Variants in HAUS6 observed in about 807,000 individuals in gnomAD.
HAUS6 encodes the protein HAUS augmin-like complex subunit 6.
Under a neutral mutation model 106.8 loss-of-function variants are expected in HAUS6, and 80 were observed. That is an observed-to-expected ratio of 0.75 (90% CI 0.63 to 0.90). HAUS6 has a LOEUF of 0.90. HAUS6 is among the 40% of genes least tolerant of loss of function. The pLI is 0.00. For missense variants in HAUS6, 1,155 were observed against 1,118.1 expected, an observed-to-expected ratio of 1.03 and a Z score of -0.47; for synonymous variants, 356 against 379.1, an observed-to-expected ratio of 0.94 and a Z score of 0.71.
intron 16 of HAUS6, 178 bp from the exon 17 acceptor site, chr9:19,056,582 A>C: frequency 1.9e-6 from 1 of 531,204 alleles, no homozygotes; most frequent in South Asian, 2.7e-5. Context: ...AGATCAATAC[A>C]TTCCTCCCAG....
At chr9:19,093,865 T>C (rs970386528) in intron 3 of HAUS6, among the ~76,000 whole-genome samples, 2 of 152,018 alleles carry the variant, frequency 1.3e-5, no homozygotes, top group Admixed American at 6.6e-5. Context: ...GAAGACTCTG[T>C]CTCAAAAAAA....
intron 1 of HAUS6, among the ~76,000 whole-genome samples, chr9:19,099,302 G>C (rs1382855957): frequency 6.6e-6 from 1 of 151,662 alleles, no homozygotes; most frequent in African/African-American, 2.4e-5. Flanking sequence ...GAATAGCTGC[G>C]ACTACAGGCG....
At position 19,070,320 on chromosome 9, in the gene HAUS6, G is replaced by C. The variant is rs960790723; in HGVS notation, c.1295-20C>G. 1 of 1,297,290 alleles carries C rather than the reference G, an allele frequency of 7.7e-7. No homozygotes were observed. 80.4% of individuals were successfully genotyped at this position (1,297,290 alleles called of 1,614,324 possible). The stretch of plus-strand genomic sequence containing the variant: ...GTGCATCTAAAGAAATTTAAAAATT[G>C]GTTACTCTTTAATTATGTTTGTACA... On this transcript the variant is annotated intron_variant, in intron 11 of 16. Coordinates refer to ENST00000380502, the MANE Select transcript of HAUS6 (RefSeq NM_017645.5).
rs996106216 is a variant in HAUS6 at position 19,063,047 on chromosome 9, A to T, written c.1590T>A (p.Ser530Arg). The T allele has an allele frequency of 6.2e-7, 1 of 1,611,478 alleles. No homozygotes were observed. Among genetic ancestry groups the T allele is most frequent in the Admixed American group, 1.7e-5 (1 of 59,900 alleles). Residue 530 changes from serine to arginine, a missense_variant, in exon 14 of 17, where the codon AGT becomes AGA. By Grantham distance (110) the Ser-to-Arg change is moderately radical. Coordinates refer to ENST00000380502, the MANE Select transcript of HAUS6 (RefSeq NM_017645.5). ...AFGGSLPAKKSDPFQKEQDHL... is the reference protein window; with the variant it reads ...AFGGSLPAKKRDPFQKEQDHL... ...GATCTTGCTCTTTTTGAAATGGATCACTTTTTTTAGCTGGCAAAGACCCTC... is the reference window on the plus strand; with the variant it reads ...GATCTTGCTCTTTTTGAAATGGATCTCTTTTTTTAGCTGGCAAAGACCCTC...
intron 15 of HAUS6, 46 bp from the exon 16 acceptor site, chr9:19,059,047 T>C (rs1345738337): frequency 3.0e-6 from 3 of 1,014,240 alleles, no homozygotes; most frequent in East Asian, 2.4e-5. Context: ...TTCCCAAACA[T>C]AGAGCATGCA....
chr9:19,091,550 T>G (rs1817749642), intron 4 of HAUS6, among the ~76,000 whole-genome samples: 1 of 151,912 alleles, frequency 6.6e-6, no homozygotes, highest in Non-Finnish European at 1.5e-5. Flanking sequence ...ATTCTTATAT[T>G]ACATTTGTAA....
chr9:19,098,707 G>C (rs1817915910), intron 1 of HAUS6, among the ~76,000 whole-genome samples: 1 of 139,814 alleles, frequency 7.2e-6, no homozygotes, highest in African/African-American at 2.7e-5. Context: ...GGATTGTTGA[G>C]TCATACATTA....
intron 13 of HAUS6, 132 bp from the exon 14 acceptor site, chr9:19,063,325 CT>C (rs1836673566): frequency 1.4e-6 from 1 of 691,356 alleles, no homozygotes; most frequent in African/African-American, 1.8e-5. Context: ...TTGTATGTCA[CT>C]GGCAGAATTA....
chr9:19,089,668 G>A lies in HAUS6; in HGVS notation c.437-109C>T. 7.6e-6 allele frequency: 5 copies of A among 660,830 alleles called. No homozygotes were observed. The South Asian group carries it at 1.3e-4, about 17-fold the overall frequency. 40.9% of individuals were successfully genotyped at this position (660,830 alleles called of 1,614,324 possible). ...CGTTGGTGGTATACAATCTCCCACT[G>A]CTAAATCTGATTGACTTTTAAAAAA... On this transcript the variant is annotated intron_variant, in intron 4 of 16. Transcript: ENST00000380502.
At chr9:19,067,352 A>G (rs1198006857) in intron 12 of HAUS6, among the ~76,000 whole-genome samples, 1 of 152,340 alleles carries the variant, frequency 6.6e-6, no homozygotes, top group African/African-American at 2.4e-5. Flanking sequence ...TTCTGAGCAG[A>G]CTACTTCCAC....
At chr9:19,069,612 A>G (rs1287760678) in intron 12 of HAUS6, among the ~76,000 whole-genome samples, 1 of 152,062 alleles carries the variant, frequency 6.6e-6, no homozygotes, top group Non-Finnish European at 1.5e-5. Context: ...GAGGGGAACT[A>G]TTTGAACCCA....
At position 19,092,618 on chromosome 9, in the gene HAUS6, G is replaced by GAAA. The variant is rs754952207; in HGVS notation, c.436+550_436+552dup. 5.1e-4 allele frequency among the ~76,000 whole-genome samples: 28 copies of GAAA among 55,002 alleles called. No homozygotes were observed. The East Asian group carries it at 0.014, about 27-fold the overall frequency. 36.1% of individuals were successfully genotyped at this position (55,002 alleles called of 152,430 possible). A position where few individuals can be genotyped will look rare whatever the true frequency, so the allele number is the denominator to read the frequency against. On this transcript the variant is annotated intron_variant, in intron 4 of 16. Transcript: ENST00000380502. ...CAACAAGAAAAAAAACTCCGTCTCG[G>GAAA]AAAAAAAAAAAAAAAAAAAAAAAAG...
intron 12 of HAUS6, among the ~76,000 whole-genome samples, chr9:19,067,018 A>AT (rs894005156): frequency 1.8e-4 from 28 of 151,764 alleles, no homozygotes; most frequent in Admixed American, 2.6e-4. Flanking sequence ...AAAAAAAAAA[A>AT]GCCAGCAATG....
chr9:19,072,607 T>C (rs1442704108), intron 11 of HAUS6, among the ~76,000 whole-genome samples: 2 of 152,234 alleles, frequency 1.3e-5, no homozygotes, highest in East Asian at 3.9e-4. Flanking sequence ...CATGGAAGTC[T>C]GAAAGACAAA....
At chr9:19,098,922 T>C (rs904711644) in intron 1 of HAUS6, among the ~76,000 whole-genome samples, 14 of 147,682 alleles carry the variant, frequency 9.5e-5, no homozygotes, top group Admixed American at 7.6e-4. Context: ...CTCCAGAGGC[T>C]GAGGCAGGAG....
chr9:19,072,411 G>C (rs1195241206), intron 11 of HAUS6, among the ~76,000 whole-genome samples: 1 of 151,640 alleles, frequency 6.6e-6, no homozygotes, highest in Non-Finnish European at 1.5e-5. Flanking sequence ...TACATGGGAA[G>C]CTTAGGCAGA....
chr9:19,076,914 G>C (rs1837020983), intron 10 of HAUS6, among the ~76,000 whole-genome samples: 1 of 152,126 alleles, frequency 6.6e-6, no homozygotes, highest in East Asian at 1.9e-4. Context: ...CATTATCATA[G>C]CTCACTGCAG....
At chr9:19,094,122 G>A (rs975626926) in intron 3 of HAUS6, among the ~76,000 whole-genome samples, 195 bp downstream of exon 3, 1 of 152,126 alleles carries the variant, frequency 6.6e-6, no homozygotes, top group African/African-American at 2.4e-5. Context: ...AGTACACCTG[G>A]CCAGCAAAGC....
In HAUS6 at chr9:19,089,575, A is replaced by G. The variant is rs1207599642; in HGVS notation, c.437-16T>C. The G allele has an allele frequency of 2.5e-6, 4 of 1,595,150 alleles. No individual in the cohort carries two copies. In the Admixed American group the frequency reaches 6.9e-5, roughly 27 times the overall value. On this transcript the variant is annotated splice_polypyrimidine_tract_variant and intron_variant, in intron 4 of 16. Coordinates refer to ENST00000380502, the MANE Select transcript of HAUS6 (RefSeq NM_017645.5). ...TGAGAAGAATCTACACAGAACACAA[A>G]TAAGATTATAGAAAACAGGCTGGTC...
Sources: gnomAD v4.1 joint callset for allele counts (sites outside exome capture counted in the v4.1 genomes callset) on GRCh38, gnomAD v4.1.1 for gene constraint, MANE v1.5 for transcripts, NCBI Gene and HGNC (gene_info 2026-07-23, HGNC 2026-07-21) for gene names.